PFKFB3: variants seen among roughly 807,000 people sequenced by gnomAD.
PFKFB3 encodes the protein 6-phosphofructo-2-kinase/fructose-2,6-bisphosphatase 3.
Under a neutral mutation model 68.0 loss-of-function variants are expected in PFKFB3, and 33 were observed. The ratio of observed to expected loss-of-function variants is 0.49; its 90% confidence interval spans 0.37 to 0.65. The LOEUF (loss-of-function observed/expected upper bound fraction) is 0.65. Ranked by LOEUF, PFKFB3 falls within the 30% of genes least tolerant of loss-of-function variation. PFKFB3 has a pLI of 0.00. For missense variants in PFKFB3, 586 were observed against 712.2 expected (o/e 0.82, Z 2.02); for synonymous variants, 315 against 288.2 (o/e 1.09, Z -0.94).
At chr10:6,197,103 G>A (rs530412823) in intron 1 of PFKFB3, among the ~76,000 whole-genome samples, 2 of 151,090 alleles carry the variant, frequency 1.3e-5, no homozygotes, top group South Asian at 2.1e-4. Context: ...TCCTGCCTCA[G>A]CCTCCCAAGT....
chr10:6,292,636 TAAA>T, the PFKFB3 span, among the ~76,000 whole-genome samples: 2 of 139,760 alleles, frequency 1.4e-5, no homozygotes, highest in African/African-American at 5.2e-5. Context: ...TACACAGAAT[TAAA>T]AAAAAAAAAA....
In PFKFB3 at chr10:6,234,986, A is replaced by AG. The variant is rs1345547518; in HGVS notation, c.*2045dup. 2.4e-5 allele frequency: 3 copies of AG among 124,388 alleles called. No homozygotes were observed. The highest frequency in any genetic ancestry group is 4.8e-5 in the Non-Finnish European group (3 of 63,054). The allele number at this position is 124,388 out of a possible 1,614,324, so 7.7% of individuals were successfully genotyped here. On this transcript the variant is annotated 3_prime_UTR_variant, in exon 15 of 15. Transcript: ENST00000379775. ...GAGAACACTGCCTACTTTGCAAGCC[A>AG]GTGACCTGCCTTTTGAGGGGACATT...
intron 1 of PFKFB3, among the ~76,000 whole-genome samples, chr10:6,178,246 C>T (rs79962880): frequency 0.011 from 1,626 of 152,206 alleles, 69 homozygotes; most frequent in East Asian, 0.099. Context: ...TGCTGATGTG[C>T]GCAGCTTCAT....
At chr10:6,281,874 T>C in the PFKFB3 span, among the ~76,000 whole-genome samples, 1 of 151,972 alleles carries the variant, frequency 6.6e-6, no homozygotes, top group East Asian at 1.9e-4. Context: ...TTAAAACAAA[T>C]TCATGAGCTT....
rs542881129 is a variant in PFKFB3 at position 6,233,027 on chromosome 10, G to C, written c.*85G>C. On this transcript the variant is annotated 3_prime_UTR_variant, in exon 15 of 15. Transcript: ENST00000379775. Reference sequence around the variant, plus strand: ...CCGCCCGAGGCAAAACGTATCCTGAGGACTTCTTCCGGAGAGGGTGGGGTG... The same window carrying C: ...CCGCCCGAGGCAAAACGTATCCTGACGACTTCTTCCGGAGAGGGTGGGGTG... 332 of 1,075,550 alleles carry C rather than the reference G, an allele frequency of 3.1e-4. 1 individual carries two copies. Among genetic ancestry groups the C allele is most frequent in the Non-Finnish European group, 4.5e-4 (309 of 691,710 alleles). 66.6% of individuals were successfully genotyped at this position (1,075,550 alleles called of 1,614,324 possible). A position where few individuals can be genotyped will look rare whatever the true frequency, so the allele number is the denominator to read the frequency against.
At chr10:6,149,140 G>A (rs1043896241) in intron 1 of PFKFB3, among the ~76,000 whole-genome samples, 36 of 152,140 alleles carry the variant, frequency 2.4e-4, no homozygotes, top group African/African-American at 6.7e-4. Flanking sequence ...TGATGGAGGC[G>A]TGGCTCTAAG....
upstream of PFKFB3, among the ~76,000 whole-genome samples, chr10:6,198,257 A>G (rs986183334): frequency 3.3e-5 from 5 of 151,912 alleles, no homozygotes; most frequent in Admixed American, 6.6e-5. Context: ...AAAAAAAAAA[A>G]AAAAGAAAAA....
the PFKFB3 span, among the ~76,000 whole-genome samples, chr10:6,323,514 C>T: frequency 5.3e-5 from 8 of 152,134 alleles, no homozygotes; most frequent in East Asian, 1.9e-4. Flanking sequence ...TACCCTGCAG[C>T]GCTTAGCTCT....
chr10:6,319,884 T>C, the PFKFB3 span, among the ~76,000 whole-genome samples: 1 of 152,180 alleles, frequency 6.6e-6, no homozygotes, highest in Non-Finnish European at 1.5e-5. Context: ...AAAGGGACCA[T>C]TCTTGGTCAG....
At chr10:6,211,813 C>T (rs1332661860) in intron 1 of PFKFB3, among the ~76,000 whole-genome samples, 1 of 152,250 alleles carries the variant, frequency 6.6e-6, no homozygotes, top group Non-Finnish European at 1.5e-5. Flanking sequence ...TGTCTCCTTA[C>T]TCTGCCTGCT....
chr10:6,192,348 G>C lies in PFKFB3; in HGVS notation c.17-21275G>C, dbSNP rs574064849. Among the ~76,000 whole-genome samples, 6 of 134,914 alleles carry C rather than the reference G, an allele frequency of 4.4e-5. No homozygotes were observed. In the East Asian group the frequency reaches 8.8e-4, roughly 20 times the overall value. The allele number at this position is 134,914 out of a possible 152,430, so 88.5% of individuals were successfully genotyped here. On this transcript the variant is annotated intron_variant, in intron 1 of 14. Coordinates refer to the PFKFB3 transcript ENST00000379789. ...TAGCATCGCTGTCCAAAACCTGCCCGTTTTTTTTTTCTTTCTTCTTTTTTT... is the reference window on the plus strand; with the variant it reads ...TAGCATCGCTGTCCAAAACCTGCCCCTTTTTTTTTTCTTTCTTCTTTTTTT...
At chr10:6,203,588 A>C (rs1843483303) in intron 1 of PFKFB3, among the ~76,000 whole-genome samples, 1 of 151,100 alleles carries the variant, frequency 6.6e-6, no homozygotes, top group Non-Finnish European at 1.5e-5. Flanking sequence ...CCCGAGACGG[A>C]GGGACGCGCG....
At chr10:6,306,887 T>C in the PFKFB3 span, among the ~76,000 whole-genome samples, 2 of 152,192 alleles carry the variant, frequency 1.3e-5, no homozygotes, top group Non-Finnish European at 2.9e-5. Context: ...AATGTTTAGT[T>C]TTACGTATTA....
intron 1 of PFKFB3, among the ~76,000 whole-genome samples, chr10:6,178,923 C>G (rs893337431): frequency 2.0e-5 from 3 of 152,250 alleles, no homozygotes; most frequent in Admixed American, 6.5e-5. Flanking sequence ...TCCCGTCTCA[C>G]TACCAGCCAC....
intron 1 of PFKFB3, among the ~76,000 whole-genome samples, chr10:6,190,219 C>T (rs1388839683): frequency 6.6e-6 from 1 of 152,234 alleles, no homozygotes; most frequent in Non-Finnish European, 1.5e-5. Flanking sequence ...GCTGAGATTA[C>T]AGGCGTGAGC....
At position 6,226,315 on chromosome 10, in the gene PFKFB3, G is replaced by A. The variant is rs750254792; in HGVS notation, c.1465G>A (p.Ala489Thr). 39 of 1,613,888 alleles carry A rather than the reference G, an allele frequency of 2.4e-5. No homozygotes were observed. In the Admixed American group the frequency reaches 2.7e-4, roughly 11 times the overall value. ...FEEHVASTSA[A>T]LPSCLPPEVP... ...GGAGCATGTGGCCTCCACCTCGGCC[G>A]CCCTGCCCAGCTGCCTGCCCCCGGA... The change falls in exon 14 of 15, where the codon GCC becomes ACC. Residue 489 changes from alanine (A) to threonine (T), a missense_variant. Physicochemically the swap from Ala to Thr is moderately conservative, Grantham distance 58. Coordinates refer to ENST00000379775, the MANE Select transcript of PFKFB3 (RefSeq NM_004566.4).
At chr10:6,232,307 C>T (rs1006079853) in intron 14 of PFKFB3, among the ~76,000 whole-genome samples, 2 of 152,134 alleles carry the variant, frequency 1.3e-5, no homozygotes, top group Non-Finnish European at 2.9e-5. Flanking sequence ...GAACTCCCTG[C>T]GAGGGCCACT....
At chr10:6,256,023 C>A (rs1340242067), downstream of PFKFB3, among the ~76,000 whole-genome samples, 2 of 152,134 alleles carry the variant, frequency 1.3e-5, no homozygotes, top group Non-Finnish European at 2.9e-5. Flanking sequence ...TAGGCTGCAG[C>A]CTCTGACTTG....
At chr10:6,168,473 C>G (rs1192398675) in intron 1 of PFKFB3, among the ~76,000 whole-genome samples, 1 of 152,200 alleles carries the variant, frequency 6.6e-6, no homozygotes, top group Non-Finnish European at 1.5e-5. Flanking sequence ...ATGTGTCAGC[C>G]TTATGCAGTT....
Sources: allele counts gnomAD v4.1 joint callset (sites outside exome capture counted in the v4.1 genomes callset), GRCh38; gene constraint gnomAD v4.1.1; transcripts MANE v1.5; gene names NCBI Gene and HGNC (gene_info 2026-07-23, HGNC 2026-07-21).